Variants in SPPL3 observed in about 807,000 individuals in gnomAD.
The protein encoded by SPPL3 is signal peptide peptidase like 3.
Under a neutral mutation model 42.4 loss-of-function variants are expected in SPPL3, and 5 were observed. That is an observed-to-expected ratio of 0.12 (90% confidence interval 0.06 to 0.25). The LOEUF (loss-of-function observed/expected upper bound fraction) is 0.25. SPPL3 is among the 10% of genes least tolerant of loss of function. SPPL3 has a pLI of 1.00. For synonymous variants in SPPL3, 195 were observed against 181.8 expected, an observed-to-expected ratio of 1.07 and a Z score of -0.58; for missense variants, 235 against 489.0, an observed-to-expected ratio of 0.48 and a Z score of 4.90.
intron 1 of SPPL3, among the ~76,000 whole-genome samples, chr12:120,876,624 A>AAAGAAAAAG (rs1873100125): frequency 1.4e-5 from 2 of 143,778 alleles, no homozygotes; most frequent in African/African-American, 5.7e-5. Flanking sequence ...CTCAAAAAAA[A>AAAGAAAAAG]AAAAAAAAAA....
rs1240751876 is a variant in SPPL3, at chr12:120,782,706, C to T, written c.451G>A (p.Val151Ile). 5 of 1,611,538 alleles carry T rather than the reference C, an allele frequency of 3.1e-6. No individual in the cohort carries two copies. The highest frequency in any genetic ancestry group is 1.1e-5 in the South Asian group (1 of 90,630). Residue 151 changes from valine to isoleucine, a missense_variant, in exon 6 of 11, where the codon GTC becomes ATC. Physicochemically the swap from Val to Ile is conservative, Grantham distance 29. Around this residue, in one of 6 missense-constraint regions of SPPL3, gnomAD observed 110 missense variants for 186.2 expected, o/e 0.59. Transcript: ENST00000353487. Reference protein sequence around the residue: ...AAELLSFSLSVMLVLIWVLTG... With the variant: ...AAELLSFSLSIMLVLIWVLTG... ...AGAACCCAGATGAGGACGAGCATGA[C>T]AGACAGAGAGAATGACAGCAACTCA...
At chr12:120,876,016 A>ACACC (rs1555253855) in intron 1 of SPPL3, among the ~76,000 whole-genome samples, 7 of 144,014 alleles carry the variant, frequency 4.9e-5, no homozygotes, top group Non-Finnish European at 9.3e-5. Context: ...AAACAAACAG[A>ACACC]CCCCCCCCAC....
chr12:120,821,937 A>G (rs1871082935), intron 1 of SPPL3, among the ~76,000 whole-genome samples: 2 of 152,242 alleles, frequency 1.3e-5, no homozygotes. Flanking sequence ...AAATTCTGAT[A>G]CATGCTACAA....
chr12:120,802,397 ATGTGTGTGTG>A (rs71453508), intron 2 of SPPL3, among the ~76,000 whole-genome samples: 3 of 119,840 alleles, frequency 2.5e-5, no homozygotes, highest in African/African-American at 1.1e-4. Flanking sequence ...ATACACATAT[ATGTGTGTGTG>A]TGTGTGTGTA....
At chr12:120,869,245 G>A (rs574264064) in intron 1 of SPPL3, among the ~76,000 whole-genome samples, 1 of 152,328 alleles carries the variant, frequency 6.6e-6, no homozygotes, top group Non-Finnish European at 1.5e-5. Flanking sequence ...ACCATGAGGA[G>A]TACTGCTGTA....
At chr12:120,772,273 C>T (rs1202020583) in intron 6 of SPPL3, among the ~76,000 whole-genome samples, 1 of 152,182 alleles carries the variant, frequency 6.6e-6, no homozygotes, top group African/African-American at 2.4e-5. Flanking sequence ...CCACCCACCC[C>T]GGCCTCCCAA....
At chr12:120,812,263 T>C (rs1870710182) in intron 1 of SPPL3, among the ~76,000 whole-genome samples, 1 of 151,904 alleles carries the variant, frequency 6.6e-6, no homozygotes, top group Non-Finnish European at 1.5e-5. Flanking sequence ...GTCTCTCGAG[T>C]AGCTGGGATT....
At chr12:120,893,610 T>G (rs1727217637) in intron 1 of SPPL3, among the ~76,000 whole-genome samples, 1 of 152,188 alleles carries the variant, frequency 6.6e-6, no homozygotes, top group Non-Finnish European at 1.5e-5. Flanking sequence ...ATCTTAGCAG[T>G]GCACTCTCAG....
rs112148171 is a variant in SPPL3 at position 120,843,689 on chromosome 12, A to G, written c.24-32803T>C. Among the ~76,000 whole-genome samples the G allele has an allele frequency of 8.5e-5, 13 of 152,254 alleles. 1 individual carries two copies. Among genetic ancestry groups the G allele is most frequent in the African/African-American group, 2.9e-4 (12 of 41,552 alleles). ...GTTCTCAGGCCAGGCGGGGTGGCTG[A>G]TGCCTGTAATTCCAGCACTCTGGGT... On this transcript the variant is annotated intron_variant, in intron 1 of 10. Transcript: ENST00000353487.
At chr12:120,796,575 A>G (rs1870105489) in intron 2 of SPPL3, among the ~76,000 whole-genome samples, 1 of 152,118 alleles carries the variant, frequency 6.6e-6, no homozygotes, top group Non-Finnish European at 1.5e-5. Flanking sequence ...TATGCTAGAC[A>G]TTGTGAATTT....
At chr12:120,806,853 A>AGAAAG (rs113408824) in intron 2 of SPPL3, among the ~76,000 whole-genome samples, 5 of 146,132 alleles carry the variant, frequency 3.4e-5, no homozygotes, top group African/African-American at 7.6e-5. Context: ...TTAAAAAAAA[A>AGAAAG]AAAGAAAGAA....
At chr12:120,886,374 C>G (rs1873462433) in intron 1 of SPPL3, among the ~76,000 whole-genome samples, 1 of 152,114 alleles carries the variant, frequency 6.6e-6, no homozygotes, top group Non-Finnish European at 1.5e-5. Context: ...GGCATAAAGT[C>G]ATTCATTAAA....
At chr12:120,790,963 G>A (rs919462113) in intron 3 of SPPL3, among the ~76,000 whole-genome samples, 4 of 152,040 alleles carry the variant, frequency 2.6e-5, no homozygotes, top group African/African-American at 9.7e-5. Flanking sequence ...GCTGGAATTA[G>A]AGGCATGCGC....
chr12:120,801,817 C>T (rs1389989381), intron 2 of SPPL3, among the ~76,000 whole-genome samples: 1 of 152,186 alleles, frequency 6.6e-6, no homozygotes, highest in African/African-American at 2.4e-5. Flanking sequence ...CAGATGGCCA[C>T]TGACCCTGTC....
chr12:120,900,441 CA>C (rs1214993208), intron 1 of SPPL3, among the ~76,000 whole-genome samples: 1 of 150,988 alleles, frequency 6.6e-6, no homozygotes, highest in Non-Finnish European at 1.5e-5. Context: ...AAACACAATA[CA>C]AAAAATGCAA....
rs566509271 is a variant in SPPL3, at chr12:120,834,362, T to C, written c.24-23476A>G. On this transcript the variant is annotated intron_variant, in intron 1 of 10. Coordinates refer to ENST00000353487, the MANE Select transcript of SPPL3 (RefSeq NM_139015.5). ...TGTGATCGGTGGTCCATGAAGTCTT[T>C]TTGGTTGTCTCCAACAGGGGTTGGA... 2.6e-5 allele frequency among the ~76,000 whole-genome samples: 4 copies of C among 152,060 alleles called. No homozygotes were observed. The East Asian group carries it at 7.7e-4, about 29-fold the overall frequency.
chr12:120,766,246 A>G lies in SPPL3; in HGVS notation c.1083+17T>C. The G allele has an allele frequency of 1.3e-6, 2 of 1,554,450 alleles. No individual in the cohort carries two copies. The highest frequency in any genetic ancestry group is 2.0e-5 in the Admixed American group (1 of 50,994). The stretch of plus-strand genomic sequence containing the variant: ...TCCAAGTTATTGCTTTCACAGGTTT[A>G]TAACTGCTGCTCTCACCTTTAAATA... On this transcript the variant is annotated intron_variant, in intron 10 of 10. Coordinates refer to ENST00000353487, the MANE Select transcript of SPPL3 (RefSeq NM_139015.5).
At chr12:120,808,422 C>T (rs1243180817) in intron 2 of SPPL3, among the ~76,000 whole-genome samples, 1 of 152,048 alleles carries the variant, frequency 6.6e-6, no homozygotes, top group Non-Finnish European at 1.5e-5. Flanking sequence ...AAATCCTTTC[C>T]ATCTATATAA....
At chr12:120,845,560 T>C (rs1871996720) in intron 1 of SPPL3, 1 of 481,192 alleles carries the variant, frequency 2.1e-6, no homozygotes, top group Non-Finnish European at 4.0e-6. Context: ...TACTGGACTG[T>C]GGTCTTCCCT....
Sources: gnomAD v4.1 joint callset for allele counts (sites outside exome capture counted in the v4.1 genomes callset) on GRCh38, gnomAD v4.1.1 for gene constraint, gnomAD v4.1.1 regional missense constraint, MANE v1.5 for transcripts, NCBI Gene and HGNC (gene_info 2026-07-23, HGNC 2026-07-21) for gene names.